The following AGBL4 variants were observed in gnomAD, a reference collection of about 807,000 sequenced individuals.
AGBL4 encodes cytosolic carboxypeptidase 6.
Under a neutral mutation model 66.4 loss-of-function variants are expected in AGBL4, and 58 were observed. The ratio of observed to expected loss-of-function variants is 0.87; its 90% confidence interval spans 0.71 to 1.09. The LOEUF (loss-of-function observed/expected upper bound fraction) is 1.09, where lower values mean the gene tolerates loss of function less well. AGBL4 is among the 50% of genes least tolerant of loss of function. AGBL4 has a pLI of 0.00. For synonymous variants in AGBL4, 234 were observed against 222.9 expected (o/e 1.05, Z -0.44); for missense variants, 579 against 631.0 (o/e 0.92, Z 0.88).
chr1:49,530,097 C>T (rs79922010), intron 3 of AGBL4, among the ~76,000 whole-genome samples: 11,445 of 151,274 alleles, frequency 0.076, 660 homozygotes, highest in African/African-American at 0.16. Context: ...TGGTATGAAA[C>T]TACTGAACAT....
chr1:49,519,868 G>A (rs1410569167), intron 3 of AGBL4, among the ~76,000 whole-genome samples: 4 of 152,106 alleles, frequency 2.6e-5, no homozygotes, highest in African/African-American at 7.2e-5. Context: ...ATAGAGTGCT[G>A]TAGAACTGAC....
chr1:49,845,905 G>A, intron 2 of AGBL4: 1 of 1,433,336 alleles, frequency 7.0e-7, no homozygotes. Context: ...TCCACACAGG[G>A]CAGAAGCCCT....
intron 3 of AGBL4, among the ~76,000 whole-genome samples, chr1:49,576,224 T>A (rs1203165988): frequency 6.6e-6 from 1 of 152,246 alleles, no homozygotes; most frequent in Non-Finnish European, 1.5e-5. Context: ...TTTGTTACTC[T>A]GCCCCATTTA....
intron 4 of AGBL4, among the ~76,000 whole-genome samples, chr1:49,083,596 T>C (rs1644845811): frequency 6.6e-6 from 1 of 152,170 alleles, no homozygotes; most frequent in African/African-American, 2.4e-5. Flanking sequence ...CACAAAACCA[T>C]TTTTTCCTTC....
At chr1:48,585,241 G>A (rs1644800415) in intron 11 of AGBL4, 1 of 152,092 alleles carries the variant, frequency 6.6e-6, no homozygotes, top group African/African-American at 2.4e-5. Flanking sequence ...CTGTCAGATT[G>A]GACAGCAAAA....
At chr1:49,577,835 C>T (rs1644466213) in intron 3 of AGBL4, among the ~76,000 whole-genome samples, 1 of 152,204 alleles carries the variant, frequency 6.6e-6, no homozygotes, top group Admixed American at 6.5e-5. Context: ...GGTTACAATA[C>T]TTTGCAGGGC....
intron 1 of AGBL4, among the ~76,000 whole-genome samples, chr1:49,915,374 T>C (rs1651317233): frequency 6.6e-6 from 1 of 151,994 alleles, no homozygotes; most frequent in Non-Finnish European, 1.5e-5. Flanking sequence ...GAAAACTGGG[T>C]CACTCCCACC....
chr1:48,986,810 T>C (rs1660211013), intron 5 of AGBL4, among the ~76,000 whole-genome samples: 2 of 152,040 alleles, frequency 1.3e-5, no homozygotes, highest in Non-Finnish European at 2.9e-5. Flanking sequence ...GATTTTACTA[T>C]TCAAATAAAA....
At chr1:49,088,503 G>A (rs1226680462) in intron 4 of AGBL4, among the ~76,000 whole-genome samples, 1 of 152,082 alleles carries the variant, frequency 6.6e-6, no homozygotes, top group Non-Finnish European at 1.5e-5. Context: ...AAAAGACAAA[G>A]AAGGGCATTA....
chr1:49,826,769 A>C (rs1034794677), intron 2 of AGBL4, among the ~76,000 whole-genome samples: 11 of 152,218 alleles, frequency 7.2e-5, no homozygotes, highest in African/African-American at 2.7e-4. Flanking sequence ...TGCACCTATT[A>C]AGAGCTAGCC....
At chr1:49,922,720 C>G (rs2148243815) in intron 1 of AGBL4, among the ~76,000 whole-genome samples, 1 of 152,106 alleles carries the variant, frequency 6.6e-6, no homozygotes, top group African/African-American at 2.4e-5. Flanking sequence ...ACAATTGCCA[C>G]AAAAAGAGTA....
At chr1:49,008,895 T>C (rs1362623569) in intron 5 of AGBL4, among the ~76,000 whole-genome samples, 1 of 151,862 alleles carries the variant, frequency 6.6e-6, no homozygotes, top group Non-Finnish European at 1.5e-5. Flanking sequence ...GAGGGAAATT[T>C]ATAGCACTAA....
At position 48,590,917 on chromosome 1, in the gene AGBL4, G is replaced by A; in HGVS notation, c.1020C>T (p.Gly340=). The A allele has an allele frequency of 6.2e-7, 1 of 1,610,262 alleles. No homozygotes were observed. Among genetic ancestry groups the A allele is most frequent in the Non-Finnish European group, 8.5e-7 (1 of 1,178,506 alleles). The part of the protein sequence containing the change: ...HSTMMNGFMY[G]NIFEDEERFQ... ...ACCGTTCCTCATCCTCAAAGATGTTGCCATACATGAAGCCATTCATCATGG... is the reference window on the plus strand; with the variant it reads ...ACCGTTCCTCATCCTCAAAGATGTTACCATACATGAAGCCATTCATCATGG... The change falls in exon 10 of 14, where the codon GGC becomes GGT. Residue 340 remains glycine, a synonymous_variant. Transcript: ENST00000371839.
At chr1:49,907,485 A>C (rs565506981) in intron 1 of AGBL4, among the ~76,000 whole-genome samples, 1 of 152,266 alleles carries the variant, frequency 6.6e-6, no homozygotes, top group South Asian at 2.1e-4. Flanking sequence ...ATTTCCATTA[A>C]ATTTCATTAA....
At chr1:48,719,529 G>T (rs1647109950) in intron 6 of AGBL4, among the ~76,000 whole-genome samples, 1 of 152,128 alleles carries the variant, frequency 6.6e-6, no homozygotes, top group South Asian at 2.1e-4. Context: ...GTGTGTCCAT[G>T]GTCTTCAGAG....
intron 1 of AGBL4, among the ~76,000 whole-genome samples, chr1:49,897,241 C>T (rs1649315320): frequency 6.6e-6 from 1 of 151,870 alleles, no homozygotes; most frequent in South Asian, 2.1e-4. Context: ...ACTATTAGAA[C>T]TGATAAATTC....
intron 1 of AGBL4, among the ~76,000 whole-genome samples, chr1:49,963,387 G>A (rs1657279270): frequency 6.6e-6 from 1 of 152,110 alleles, no homozygotes; most frequent in African/African-American, 2.4e-5. Flanking sequence ...GCTAGTGACT[G>A]AACTGGGAAC....
In AGBL4 at chr1:48,693,585, A is replaced by C. The variant is rs4291540; in HGVS notation, c.635-30344T>G. Among the ~76,000 whole-genome samples the C allele has an allele frequency of 1.1e-3, 174 of 152,262 alleles. 2 individuals are homozygous for C. The South Asian group carries it at 0.033, about 29-fold the overall frequency. On this transcript the variant is annotated intron_variant, in intron 6 of 13. Transcript: ENST00000371839. ...CTGGAATCAGCAGGAAGCTCTCCTG[A>C]ACTCATCCCTGTGCCTTGCCAGATG...
intron 3 of AGBL4, among the ~76,000 whole-genome samples, chr1:49,634,595 G>A (rs907793841): frequency 6.6e-6 from 1 of 152,022 alleles, no homozygotes; most frequent in Non-Finnish European, 1.5e-5. Context: ...GGGATTGCTG[G>A]GTCAAATGGT....
Sources: allele counts gnomAD v4.1 joint callset (sites outside exome capture counted in the v4.1 genomes callset), GRCh38; gene constraint gnomAD v4.1.1; transcripts MANE v1.5; gene names NCBI Gene and HGNC (gene_info 2026-07-23, HGNC 2026-07-21).